The following DPP10 variants were observed in gnomAD, a reference collection of about 807,000 sequenced individuals.
DPP10 encodes inactive dipeptidyl peptidase 10.
DPP10 carries 33 observed loss-of-function variants against 120.9 expected under a neutral mutation model. The ratio of observed to expected loss-of-function variants is 0.27; its 90% CI spans 0.21 to 0.37. DPP10 has a LOEUF of 0.37. Ranked by LOEUF, DPP10 falls within the 10% of genes least tolerant of loss-of-function variation. DPP10 has a pLI of 1.00. For synonymous variants in DPP10, 337 were observed against 326.1 expected, an observed-to-expected ratio of 1.03 and a Z score of -0.36; for missense variants, 816 against 942.8, an observed-to-expected ratio of 0.87 and a Z score of 1.76.
intron 1 of DPP10, among the ~76,000 whole-genome samples, chr2:115,155,151 A>C (rs1251160698): frequency 1.3e-5 from 2 of 151,956 alleles, no homozygotes; most frequent in South Asian, 4.2e-4. Flanking sequence ...CAAATGATCC[A>C]CTTGCCTTGA....
chr2:114,522,427 A>G (rs966913143), intron 1 of DPP10, among the ~76,000 whole-genome samples: 11 of 152,230 alleles, frequency 7.2e-5, no homozygotes, highest in African/African-American at 2.7e-4. Context: ...ACCATAGAAG[A>G]TAAATCAAAG....
intron 5 of DPP10, among the ~76,000 whole-genome samples, chr2:115,587,571 AC>A (rs2082376220): frequency 6.6e-6 from 1 of 152,164 alleles, no homozygotes; most frequent in African/African-American, 2.4e-5. Context: ...CACTTCGTGC[AC>A]CCCCATGTTC....
chr2:115,434,100 A>T (rs1314444196), intron 3 of DPP10, among the ~76,000 whole-genome samples: 1 of 152,004 alleles, frequency 6.6e-6, no homozygotes, highest in Non-Finnish European at 1.5e-5. Context: ...ATCAATTACT[A>T]TACATATATG....
chr2:114,940,943 T>C (rs1010327503), intron 1 of DPP10, among the ~76,000 whole-genome samples: 4 of 152,170 alleles, frequency 2.6e-5, no homozygotes, highest in Admixed American at 2.0e-4. Flanking sequence ...TACATCCTTA[T>C]TCATGTGACC....
At chr2:114,981,125 A>C (rs564779862) in intron 1 of DPP10, among the ~76,000 whole-genome samples, 1 of 152,162 alleles carries the variant, frequency 6.6e-6, no homozygotes, top group African/African-American at 2.4e-5. Flanking sequence ...ATTTCTCAAA[A>C]CTCTAAATGC....
intron 1 of DPP10, among the ~76,000 whole-genome samples, chr2:114,871,367 A>C (rs1690677947): frequency 6.6e-6 from 1 of 152,194 alleles, no homozygotes; most frequent in African/African-American, 2.4e-5. Flanking sequence ...CATCAGGAAA[A>C]GGAAAAATTA....
chr2:115,609,338 G>A (rs779438686), intron 5 of DPP10, among the ~76,000 whole-genome samples: 46 of 151,726 alleles, frequency 3.0e-4, no homozygotes, highest in Non-Finnish European at 5.6e-4. Flanking sequence ...AATATGTTGC[G>A]GGAAAAAAAA....
chr2:114,958,092 CA>C (rs1698344560), intron 1 of DPP10, among the ~76,000 whole-genome samples: 1 of 151,970 alleles, frequency 6.6e-6, no homozygotes, highest in South Asian at 2.1e-4. Flanking sequence ...AGAGAGACTC[CA>C]GGGGTGCCTC....
chr2:115,737,503 T>C (rs1559092817), intron 8 of DPP10, among the ~76,000 whole-genome samples: 1 of 152,154 alleles, frequency 6.6e-6, no homozygotes, highest in African/African-American at 2.4e-5. Context: ...GTAATGCCTG[T>C]CCTATGATTG....
At chr2:114,721,052 C>T (rs1171622777) in intron 1 of DPP10, among the ~76,000 whole-genome samples, 3 of 152,218 alleles carry the variant, frequency 2.0e-5, no homozygotes, top group Non-Finnish European at 4.4e-5. Flanking sequence ...ACAGTTTATA[C>T]GTTACACAGC....
chr2:115,312,095 T>C (rs2061603485), intron 2 of DPP10, among the ~76,000 whole-genome samples: 1 of 152,154 alleles, frequency 6.6e-6, no homozygotes, highest in Non-Finnish European at 1.5e-5. Context: ...CAAGTGCATT[T>C]CACATACTAC....
intron 10 of DPP10, chr2:115,750,054 G>A: frequency 2.0e-6 from 2 of 985,380 alleles, no homozygotes; most frequent in Non-Finnish European, 2.4e-6. Context: ...CTAGGAACAA[G>A]CAGGAAACCC....
At chr2:114,635,395 G>C (rs1430778408) in intron 1 of DPP10, among the ~76,000 whole-genome samples, 10 of 151,820 alleles carry the variant, frequency 6.6e-5, no homozygotes, top group Admixed American at 5.2e-4. Flanking sequence ...ATTAGATATT[G>C]TTATCAGAAA....
At chr2:114,470,692 G>A (rs1029747146) in intron 1 of DPP10, among the ~76,000 whole-genome samples, 5 of 152,196 alleles carry the variant, frequency 3.3e-5, no homozygotes, top group African/African-American at 9.6e-5. Context: ...ATTCATGTAT[G>A]TGCTATCTTT....
intron 1 of DPP10, among the ~76,000 whole-genome samples, chr2:115,194,021 A>T (rs1199600555): frequency 1.3e-5 from 2 of 152,136 alleles, no homozygotes; most frequent in Non-Finnish European, 2.9e-5. Flanking sequence ...ATCTTTTTCT[A>T]ACAAAATAGC....
At chr2:115,762,758 G>A in intron 12 of DPP10, 148 bp downstream of exon 12, 1 of 921,762 alleles carries the variant, frequency 1.1e-6, no homozygotes, top group Non-Finnish European at 1.7e-6. Flanking sequence ...GATCACTTAT[G>A]ACTTGGGCTT....
At chr2:114,709,585 A>T (rs986822732) in intron 1 of DPP10, among the ~76,000 whole-genome samples, 1 of 152,072 alleles carries the variant, frequency 6.6e-6, no homozygotes, top group African/African-American at 2.4e-5. Context: ...CTATGATTTT[A>T]TTTTTTAGCT....
chr2:114,558,750 T>A (rs1382411671), intron 1 of DPP10, among the ~76,000 whole-genome samples: 1 of 152,202 alleles, frequency 6.6e-6, no homozygotes, highest in Non-Finnish European at 1.5e-5. Context: ...TTTCAAAGAT[T>A]TTTAAGACTT....
At chr2:115,202,192 G>GACA (rs1418091467) in intron 1 of DPP10, among the ~76,000 whole-genome samples, 9 of 152,014 alleles carry the variant, frequency 5.9e-5, no homozygotes, top group African/African-American at 2.2e-4. Flanking sequence ...GCCTCCTAAA[G>GACA]TGCTAGAATT....
Sources: gnomAD v4.1 joint callset for allele counts (sites outside exome capture counted in the v4.1 genomes callset) on GRCh38, gnomAD v4.1.1 for gene constraint, MANE v1.5 for transcripts, NCBI Gene and HGNC (gene_info 2026-07-23, HGNC 2026-07-21) for gene names.